ACACB: variants seen among roughly 807,000 people sequenced by gnomAD.
ACACB encodes acetyl-CoA carboxylase 2.
A neutral mutation model predicts 278.8 loss-of-function variants in ACACB; 209 were observed. That is an observed-to-expected ratio of 0.75 (90% confidence interval 0.67 to 0.84). The LOEUF (loss-of-function observed/expected upper bound fraction) is 0.84, where lower values mean the gene tolerates loss of function less well. ACACB is among the 40% of genes least tolerant of loss of function. The probability of loss-of-function intolerance (pLI) is 0.00; values close to 1 mark genes in which losing one functional copy is unlikely to be tolerated. For synonymous variants in ACACB, 1,174 were observed against 1,285.6 expected (o/e 0.91, Z 1.86); for missense variants, 2,850 against 3,269.0 (o/e 0.87, Z 3.13).
At chr12:109,184,969 C>T (rs1310815146) in intron 11 of ACACB, among the ~76,000 whole-genome samples, 2 of 152,166 alleles carry the variant, frequency 1.3e-5, no homozygotes, top group Admixed American at 6.5e-5. Context: ...GCTTCAGCCT[C>T]CCAAAGTTCT....
chr12:109,210,135 GTA>G lies in ACACB; in HGVS notation c.3249+788_3249+789del, dbSNP rs1165950402. On this transcript the variant is annotated intron_variant, in intron 21 of 52. Coordinates refer to ENST00000338432, the MANE Select transcript of ACACB (RefSeq NM_001093.4). ...TATATATACACGTACATGTATGTGT[GTA>G]TATATGTATATATACACACGTGTGT... 1.1e-4 allele frequency among the ~76,000 whole-genome samples: 7 copies of G among 65,538 alleles called. 2 individuals are homozygous for G. The highest frequency in any genetic ancestry group is 1.8e-4 in the African/African-American group (3 of 16,752). The allele number at this position is 65,538 out of a possible 152,430, so 43.0% of individuals were successfully genotyped here. A position where few individuals can be genotyped will look rare whatever the true frequency, so the allele number is the denominator to read the frequency against.
At chr12:109,216,728 A>G (rs988841837) in intron 23 of ACACB, 22 bp downstream of exon 23, 14 of 1,613,932 alleles carry the variant, frequency 8.7e-6, no homozygotes, top group Non-Finnish European at 1.2e-5. Context: ...TGATGCCAAC[A>G]CCAGTGGGAT....
intron 49 of ACACB, 94 bp downstream of exon 49, chr12:109,262,563 AAAAATACC>A: frequency 1.5e-6 from 1 of 679,910 alleles, no homozygotes; most frequent in Non-Finnish European, 2.5e-6. Context: ...AATAAAATGA[AAAAATACC>A]AAAATACAGC....
At chr12:109,207,112 C>T (rs750005551) in intron 20 of ACACB, among the ~76,000 whole-genome samples, 34 of 152,156 alleles carry the variant, frequency 2.2e-4, no homozygotes, top group Non-Finnish European at 2.2e-4. Flanking sequence ...CACCCCACCA[C>T]GCCCGGCTAA....
rs192681941 is a variant in ACACB, at chr12:109,261,892, A to G, written c.6675-465A>G. Among the ~76,000 whole-genome samples, 633 of 151,760 alleles carry G rather than the reference A, an allele frequency of 4.2e-3. 9 individuals are homozygous for G. The highest frequency in any genetic ancestry group is 0.014 in the African/African-American group (599 of 41,424). On this transcript the variant is annotated intron_variant, in intron 48 of 52. Coordinates refer to ENST00000338432, the MANE Select transcript of ACACB (RefSeq NM_001093.4). ...TCTAAAAAAAAAACAAAAAAAAAAAAAAAGAAAGAAAAGAAAATGTATGTT... is the reference window on the plus strand; with the variant it reads ...TCTAAAAAAAAAACAAAAAAAAAAAGAAAGAAAGAAAAGAAAATGTATGTT...
rs1288771601 is a variant in ACACB at position 109,210,178 on chromosome 12, T to C, written c.3249+825T>C. 9.4e-5 allele frequency among the ~76,000 whole-genome samples: 6 copies of C among 63,666 alleles called. 1 individual carries two copies. The highest frequency in any genetic ancestry group is 3.1e-4 in the African/African-American group (4 of 12,892). 41.8% of individuals were successfully genotyped at this position (63,666 alleles called of 152,430 possible). A position where few individuals can be genotyped will look rare whatever the true frequency, so the allele number is the denominator to read the frequency against. ...ACACGTGTGTATATGTATATATGTA[T>C]ATATACACACGTGTGTATATGTATA... On this transcript the variant is annotated intron_variant, in intron 21 of 52. Coordinates refer to ENST00000338432, the MANE Select transcript of ACACB (RefSeq NM_001093.4).
At chr12:109,115,535 G>A (rs1472215398), upstream of ACACB, among the ~76,000 whole-genome samples, 1 of 152,106 alleles carries the variant, frequency 6.6e-6, no homozygotes, top group African/African-American at 2.4e-5. Context: ...ACTGTGGCTA[G>A]AGAACATATG....
chr12:109,173,393 C>A (rs2044181172), intron 6 of ACACB, among the ~76,000 whole-genome samples: 1 of 152,142 alleles, frequency 6.6e-6, no homozygotes. Flanking sequence ...ACAGTCTTGC[C>A]CAAATGTGAA....
chr12:109,248,401 T>C (rs550662565), intron 40 of ACACB, among the ~76,000 whole-genome samples: 6 of 152,326 alleles, frequency 3.9e-5, no homozygotes, highest in African/African-American at 9.6e-5. Context: ...GTCTGCAAGC[T>C]GAGGAGCAAG....
intron 11 of ACACB, among the ~76,000 whole-genome samples, chr12:109,182,799 T>G (rs1291626124): frequency 1.3e-5 from 2 of 152,240 alleles, no homozygotes; most frequent in African/African-American, 4.8e-5. Flanking sequence ...GTTTCTTAAC[T>G]TGATGTGATC....
At chr12:109,215,538 C>T (rs181471815) in intron 22 of ACACB, among the ~76,000 whole-genome samples, 38 of 152,190 alleles carry the variant, frequency 2.5e-4, no homozygotes, top group Admixed American at 3.9e-4. Context: ...CCAAGACAGC[C>T]GGATCATGAG....
chr12:109,117,871 C>G (rs2042444862), intron 1 of ACACB, among the ~76,000 whole-genome samples: 1 of 152,148 alleles, frequency 6.6e-6, no homozygotes, highest in Non-Finnish European at 1.5e-5. Flanking sequence ...CTCAGCCTCC[C>G]AAGTAGCTGG....
rs997536827 is a variant in ACACB at position 109,265,534 on chromosome 12, C to T, written c.7250+9C>T. On this transcript the variant is annotated intron_variant, in intron 52 of 52. Transcript: ENST00000338432. Reference sequence around the variant, plus strand: ...CTCAAGACCATCCGAGGGTGAGTGGCCACCGCACCTGCTTCCCAGCCTCCT... The same window carrying T: ...CTCAAGACCATCCGAGGGTGAGTGGTCACCGCACCTGCTTCCCAGCCTCCT... 1 of 1,612,274 alleles carries T rather than the reference C, an allele frequency of 6.2e-7. No homozygotes were observed. The highest frequency in any genetic ancestry group is 8.5e-7 in the Non-Finnish European group (1 of 1,179,232).
chr12:109,246,363 C>A lies in ACACB; in HGVS notation c.5486C>A (p.Ala1829Asp). ...AEGIPKIYVA[A>D]NSGARIGMAE... ...GGCATTCCCAAAATTTACGTGGCAG[C>A]CAACAGTGGCGCCCGTATTGGCATG... is the stretch of plus-strand genomic sequence containing the variant. Residue 1829 changes from alanine to aspartate, a missense_variant, in exon 39 of 53, where the codon GCC becomes GAC. By Grantham distance (126) the Ala-to-Asp change is moderately radical. Coordinates refer to ENST00000338432, the MANE Select transcript of ACACB (RefSeq NM_001093.4). 1 of 1,613,304 alleles carries A rather than the reference C, an allele frequency of 6.2e-7. No homozygotes were observed. The highest frequency in any genetic ancestry group is 8.5e-7 in the Non-Finnish European group (1 of 1,179,894).
chr12:109,199,406 C>T lies in ACACB; in HGVS notation c.2632C>T (p.Arg878Ter), dbSNP rs778064707. The stretch of plus-strand genomic sequence containing the variant: ...CCGACTCCTCCTCTCTCCCAGTTAC[C>T]GAATTACCATCGGCAATAAGACGTG... ...TYMKEEVDSY[R>*]ITIGNKTCVF... Residue 878 changes from arginine to a stop codon, truncating the protein, a stop_gained, in exon 18 of 53, where the codon CGA becomes TGA. Transcript: ENST00000338432. LOFTEE classifies it high-confidence loss of function. 4.0e-6 allele frequency: 6 copies of T among 1,491,606 alleles called. No homozygotes were observed. The highest frequency in any genetic ancestry group is 2.6e-5 in the East Asian group (1 of 38,802). The allele number at this position is 1,491,606 out of a possible 1,614,324, so 92.4% of individuals were successfully genotyped here. A position where few individuals can be genotyped will look rare whatever the true frequency, so the allele number is the denominator to read the frequency against.
upstream of ACACB, among the ~76,000 whole-genome samples, chr12:109,116,128 C>T (rs912088992): frequency 6.6e-6 from 1 of 152,210 alleles, no homozygotes; most frequent in African/African-American, 2.4e-5. Flanking sequence ...CTTTTATCCC[C>T]AAGTCACAAG....
intron 2 of ACACB, among the ~76,000 whole-genome samples, chr12:109,163,533 A>G (rs1177052195): frequency 6.6e-6 from 1 of 152,168 alleles, no homozygotes; most frequent in Non-Finnish European, 1.5e-5. Context: ...AGGAGAGGGG[A>G]AAAATGCATA....
intron 9 of ACACB, among the ~76,000 whole-genome samples, chr12:109,177,544 T>C (rs1368686800): frequency 6.6e-6 from 1 of 152,210 alleles, no homozygotes; most frequent in Non-Finnish European, 1.5e-5. Context: ...ATTGTATCGC[T>C]GTTGGGGTGT....
At chr12:109,201,448 A>G (rs1295413694) in intron 18 of ACACB, 119 bp from the exon 19 acceptor site, 3 of 1,215,320 alleles carry the variant, frequency 2.5e-6, no homozygotes, top group Non-Finnish European at 3.5e-6. Flanking sequence ...CCAGGGAGTC[A>G]TTCTGGCGCG....
Sources: allele counts gnomAD v4.1 joint callset (sites outside exome capture counted in the v4.1 genomes callset), GRCh38; gene constraint gnomAD v4.1.1; transcripts MANE v1.5; gene names NCBI Gene and HGNC (gene_info 2026-07-23, HGNC 2026-07-21).